Variants in COMMD10 observed in about 807,000 individuals in gnomAD.
The protein encoded by COMMD10 is COMM domain-containing protein 10.
COMMD10 carries 33 observed loss-of-function variants against 28.9 expected under a neutral mutation model. The ratio of observed to expected loss-of-function variants is 1.14; its 90% CI spans 0.87 to 1.53. The LOEUF (loss-of-function observed/expected upper bound fraction) is 1.53, where lower values mean the gene tolerates loss of function less well. Among genes scored for constraint, COMMD10 ranks in the 40% most tolerant of loss-of-function variants. COMMD10 has a pLI of 0.00. For synonymous variants in COMMD10, 110 were observed against 81.7 expected (o/e 1.35, Z -1.87); for missense variants, 310 against 233.4 (o/e 1.33, Z -2.14).
At chr5:116,282,047 G>A (rs530795912) in intron 5 of COMMD10, among the ~76,000 whole-genome samples, 71 of 151,866 alleles carry the variant, frequency 4.7e-4, no homozygotes, top group Non-Finnish European at 8.2e-4. Context: ...TATTGTCAAG[G>A]AAATCTTGCA....
At chr5:116,117,031 T>C (rs1466943477) in intron 4 of COMMD10, among the ~76,000 whole-genome samples, 2 of 152,202 alleles carry the variant, frequency 1.3e-5, no homozygotes, top group Non-Finnish European at 2.9e-5. Context: ...TTTAACGTAA[T>C]GGACTCATAT....
intron 4 of COMMD10, among the ~76,000 whole-genome samples, chr5:116,096,074 T>C (rs1360918976): frequency 6.6e-6 from 1 of 152,118 alleles, no homozygotes; most frequent in African/African-American, 2.4e-5. Context: ...TTTTTATAAT[T>C]GTTTTGGCAA....
At chr5:116,287,459 G>C (rs931478920) in intron 5 of COMMD10, among the ~76,000 whole-genome samples, 1 of 151,678 alleles carries the variant, frequency 6.6e-6, no homozygotes, top group African/African-American at 2.4e-5. Context: ...TTCAGCCTAT[G>C]TGTATTGTTA....
At chr5:116,245,386 C>A (rs565404623) in intron 5 of COMMD10, among the ~76,000 whole-genome samples, 2 of 151,976 alleles carry the variant, frequency 1.3e-5, no homozygotes, top group Non-Finnish European at 2.9e-5. Flanking sequence ...CAGGACCAGA[C>A]GTATTCACAT....
chr5:116,272,030 A>G (rs1229173166), intron 5 of COMMD10, among the ~76,000 whole-genome samples: 3 of 151,852 alleles, frequency 2.0e-5, no homozygotes, highest in Non-Finnish European at 4.4e-5. Context: ...GTGAAATACG[A>G]GGGTACTTCA....
At chr5:116,133,032 G>C (rs1188911759) in intron 4 of COMMD10, among the ~76,000 whole-genome samples, 1 of 152,076 alleles carries the variant, frequency 6.6e-6, no homozygotes, top group Non-Finnish European at 1.5e-5. Flanking sequence ...TCACTGCTGT[G>C]ATTCTAGCTG....
chr5:116,166,065 C>T (rs1265521461), intron 5 of COMMD10, among the ~76,000 whole-genome samples: 1 of 152,094 alleles, frequency 6.6e-6, no homozygotes, highest in Middle Eastern at 3.2e-3. Flanking sequence ...TGTGGCATAC[C>T]TAGACATTCT....
intron 5 of COMMD10, among the ~76,000 whole-genome samples, chr5:116,290,624 C>T (rs1372383162): frequency 6.6e-6 from 1 of 151,880 alleles, no homozygotes; most frequent in Non-Finnish European, 1.5e-5. Flanking sequence ...CTCAATTTTG[C>T]ATCAGTTTTC....
At chr5:116,233,243 T>C (rs998399283) in intron 5 of COMMD10, among the ~76,000 whole-genome samples, 1 of 152,152 alleles carries the variant, frequency 6.6e-6, no homozygotes, top group Non-Finnish European at 1.5e-5. Context: ...ATGACTCTTA[T>C]TACAGTATAT....
chr5:116,212,769 C>G (rs1749001941), intron 5 of COMMD10, among the ~76,000 whole-genome samples: 1 of 151,912 alleles, frequency 6.6e-6, no homozygotes, highest in African/African-American at 2.4e-5. Flanking sequence ...TAACTTAGTA[C>G]AAACATCGAA....
intron 5 of COMMD10, among the ~76,000 whole-genome samples, chr5:116,257,031 A>G (rs1040354693): frequency 2.0e-5 from 3 of 151,754 alleles, no homozygotes; most frequent in Non-Finnish European, 2.9e-5. Context: ...CTTTACCTAC[A>G]GTGCTGTTTT....
At chr5:116,214,592 G>A (rs1347931144) in intron 5 of COMMD10, among the ~76,000 whole-genome samples, 1 of 152,070 alleles carries the variant, frequency 6.6e-6, no homozygotes, top group Non-Finnish European at 1.5e-5. Context: ...TGTTCTATGT[G>A]ACCTTCAAAA....
At chr5:116,216,881 T>C (rs529872137) in intron 5 of COMMD10, among the ~76,000 whole-genome samples, 1 of 152,168 alleles carries the variant, frequency 6.6e-6, no homozygotes. Context: ...ATATCAATTC[T>C]AAATTACAGT....
chr5:116,260,930 C>T lies in COMMD10; in HGVS notation c.511-30587C>T, dbSNP rs1210834870. On this transcript the variant is annotated intron_variant, in intron 5 of 6. Coordinates refer to ENST00000274458, the MANE Select transcript of COMMD10 (RefSeq NM_016144.4). ...AAAATAGAAAAAAGTTGTGAAGCAA[C>T]ATGTTCTCTTTGTGAATGTTGAAAA... 2.6e-5 allele frequency among the ~76,000 whole-genome samples: 4 copies of T among 151,718 alleles called. 1 individual carries two copies. The highest frequency in any genetic ancestry group is 4.9e-5 in the African/African-American group (2 of 41,150).
rs148609350 is a variant in COMMD10, at chr5:116,218,447, A to G, written c.511-73070A>G. ...AGTAAATTCTTTATAAATATTGACT[A>G]TTGTGTACATTTAAGTTGTTTATTA... On this transcript the variant is annotated intron_variant, in intron 5 of 6. Coordinates refer to ENST00000274458, the MANE Select transcript of COMMD10 (RefSeq NM_016144.4). Among the ~76,000 whole-genome samples the G allele has an allele frequency of 4.4e-3, 672 of 152,292 alleles. 3 individuals carry two copies. Among genetic ancestry groups the G allele is most frequent in the Admixed American group, 7.3e-3 (111 of 15,304 alleles).
At chr5:116,138,995 T>C (rs1213664818) in intron 5 of COMMD10, among the ~76,000 whole-genome samples, 2 of 151,762 alleles carry the variant, frequency 1.3e-5, no homozygotes, top group Admixed American at 1.3e-4. Flanking sequence ...TTAAATAATA[T>C]TCCCATGTTA....
intron 5 of COMMD10, among the ~76,000 whole-genome samples, chr5:116,285,680 T>A (rs1751201503): frequency 1.3e-5 from 2 of 152,138 alleles, no homozygotes; most frequent in Admixed American, 1.3e-4. Flanking sequence ...TGCTGAACCA[T>A]GCTTGCATTG....
At chr5:116,122,624 T>C (rs1379686792) in intron 4 of COMMD10, among the ~76,000 whole-genome samples, 2 of 152,242 alleles carry the variant, frequency 1.3e-5, no homozygotes, top group Middle Eastern at 3.2e-3. Flanking sequence ...CATGGAATGC[T>C]CTTCCATTTG....
chr5:116,125,107 T>C (rs1751580315), intron 4 of COMMD10, among the ~76,000 whole-genome samples: 2 of 152,182 alleles, frequency 1.3e-5, no homozygotes, highest in Admixed American at 1.3e-4. Context: ...TGATGTTACC[T>C]GGTTATTTTC....
Sources: gnomAD v4.1 joint callset for allele counts (sites outside exome capture counted in the v4.1 genomes callset) on GRCh38, gnomAD v4.1.1 for gene constraint, MANE v1.5 for transcripts, NCBI Gene and HGNC (gene_info 2026-07-23, HGNC 2026-07-21) for gene names.